Variants in MACROD2 observed in about 807,000 individuals in gnomAD.
MACROD2 encodes the protein mono-ADP ribosylhydrolase 2.
In MACROD2, 36 loss-of-function variants were observed where a neutral mutation model predicts 70.4. That is an observed-to-expected ratio of 0.51 (90% confidence interval 0.39 to 0.68). MACROD2 has a LOEUF of 0.68. Among genes scored for constraint, MACROD2 ranks in the 30% least tolerant of loss-of-function variants. MACROD2 has a pLI of 0.00. For synonymous variants in MACROD2, 172 were observed against 178.8 expected, an observed-to-expected ratio of 0.96 and a Z score of 0.30; for missense variants, 496 against 538.4, an observed-to-expected ratio of 0.92 and a Z score of 0.78.
At chr20:14,858,639 C>A (rs1252388132) in intron 5 of MACROD2, among the ~76,000 whole-genome samples, 1 of 152,076 alleles carries the variant, frequency 6.6e-6, no homozygotes, top group Non-Finnish European at 1.5e-5. Context: ...GGTCAGTATA[C>A]GTTTTAGTGC....
intron 12 of MACROD2, among the ~76,000 whole-genome samples, chr20:15,958,127 A>G (rs1056741823): frequency 6.6e-6 from 1 of 152,234 alleles, no homozygotes; most frequent in Non-Finnish European, 1.5e-5. Flanking sequence ...TACTCTCATT[A>G]CTTTTTGGAA....
At chr20:14,367,057 ATATTT>A (rs1490848284) in intron 3 of MACROD2, among the ~76,000 whole-genome samples, 1 of 152,048 alleles carries the variant, frequency 6.6e-6, no homozygotes, top group Admixed American at 6.5e-5. Context: ...TCTTTTGTGT[ATATTT>A]TAAAGACTTT....
chr20:15,763,042 A>G (rs1401014130), intron 8 of MACROD2, among the ~76,000 whole-genome samples: 1 of 152,210 alleles, frequency 6.6e-6, no homozygotes, highest in Non-Finnish European at 1.5e-5. Context: ...AGCTGTAACC[A>G]TTCTATTTGC....
At chr20:14,246,282 TATC>T (rs925122911) in intron 3 of MACROD2, among the ~76,000 whole-genome samples, 2 of 152,220 alleles carry the variant, frequency 1.3e-5, no homozygotes, top group African/African-American at 4.8e-5. Context: ...ACAATCAGGA[TATC>T]ATCATCATCT....
chr20:15,764,715 T>C (rs1199822048), intron 8 of MACROD2, among the ~76,000 whole-genome samples: 1 of 152,202 alleles, frequency 6.6e-6, no homozygotes, highest in Non-Finnish European at 1.5e-5. Context: ...ATTTGACTCT[T>C]TCCCCTTATA....
intron 6 of MACROD2, among the ~76,000 whole-genome samples, chr20:15,244,600 A>AGT (rs1396335200): frequency 6.6e-6 from 1 of 152,182 alleles, no homozygotes; most frequent in Non-Finnish European, 1.5e-5. Context: ...CACTACTGCA[A>AGT]GTGTATCATT....
At chr20:15,787,469 TC>T (rs1165479513) in intron 8 of MACROD2, among the ~76,000 whole-genome samples, 3 of 152,012 alleles carry the variant, frequency 2.0e-5, no homozygotes, top group African/African-American at 7.2e-5. Flanking sequence ...TCTCCCTCCA[TC>T]CCCCAGTAGG....
chr20:14,761,190 CAT>C (rs1428875683), intron 5 of MACROD2, among the ~76,000 whole-genome samples: 1 of 152,074 alleles, frequency 6.6e-6, no homozygotes, highest in Non-Finnish European at 1.5e-5. Context: ...TCATCTTTGA[CAT>C]ATAGATATTT....
chr20:14,643,853 T>C lies in MACROD2; in HGVS notation c.302-40990T>C, dbSNP rs185223383. ...TTTATAAAGATTTGTTGAATGAATG[T>C]ATGGGTAGGTAAATGAATGGATAGT... is the stretch of plus-strand genomic sequence containing the variant. On this transcript the variant is annotated intron_variant, in intron 4 of 17. Coordinates refer to ENST00000684519, the MANE Select transcript of MACROD2 (RefSeq NM_001351661.2). Among the ~76,000 whole-genome samples, 339 of 152,274 alleles carry C rather than the reference T, an allele frequency of 2.2e-3. 2 individuals carry two copies. Among genetic ancestry groups the C allele is most frequent in the African/African-American group, 7.7e-3 (322 of 41,558 alleles).
chr20:15,944,901 A>G (rs889549586), intron 12 of MACROD2, among the ~76,000 whole-genome samples: 3 of 152,150 alleles, frequency 2.0e-5, no homozygotes, highest in Admixed American at 6.5e-5. Context: ...TGTGAAACGT[A>G]TGATTGTAAT....
At chr20:15,249,698 C>G (rs915401789) in intron 6 of MACROD2, among the ~76,000 whole-genome samples, 2 of 152,206 alleles carry the variant, frequency 1.3e-5, no homozygotes, top group African/African-American at 4.8e-5. Context: ...GATCATGCAA[C>G]GTTCCTTTTC....
chr20:15,680,492 C>CA lies in MACROD2; in HGVS notation c.645+180649dup, dbSNP rs73619847. On this transcript the variant is annotated intron_variant, in intron 8 of 17. Transcript: ENST00000684519. ...GACTTGTTGGAATATTGTGAAAGCA[C>CA]AAAATTGAGAGAAAAATAAAGTTAT... is the stretch of plus-strand genomic sequence containing the variant. Among the ~76,000 whole-genome samples, 2,033 of 152,130 alleles carry CA rather than the reference C, an allele frequency of 0.013. 141 individuals are homozygous for CA. In the East Asian group the frequency reaches 0.2, roughly 15 times the overall value.
chr20:15,349,799 G>A (rs948477880), intron 6 of MACROD2, among the ~76,000 whole-genome samples: 6 of 150,046 alleles, frequency 4.0e-5, no homozygotes, highest in African/African-American at 9.8e-5. Flanking sequence ...GTGAAATAAT[G>A]GATCTTAATT....
chr20:14,229,534 C>G (rs1421174589), intron 3 of MACROD2, among the ~76,000 whole-genome samples: 1 of 152,170 alleles, frequency 6.6e-6, no homozygotes, highest in Non-Finnish European at 1.5e-5. Context: ...ATCATAATAG[C>G]TAAACCCAAA....
At chr20:14,932,530 G>T (rs2074305122) in intron 5 of MACROD2, among the ~76,000 whole-genome samples, 2 of 152,146 alleles carry the variant, frequency 1.3e-5, no homozygotes, top group South Asian at 2.1e-4. Flanking sequence ...CAAATTCCAA[G>T]TGATCCTGAA....
intron 5 of MACROD2, among the ~76,000 whole-genome samples, chr20:14,777,852 G>T (rs897518307): frequency 2.6e-5 from 4 of 152,080 alleles, no homozygotes; most frequent in African/African-American, 9.7e-5. Context: ...TTCAATTTTA[G>T]CAATGAGGAG....
At chr20:15,657,330 G>A (rs76581645) in intron 8 of MACROD2, among the ~76,000 whole-genome samples, 2,839 of 152,292 alleles carry the variant, frequency 0.019, 87 homozygotes, top group African/African-American at 0.065. Flanking sequence ...CATAAGGCTA[G>A]CTACTAAAGA....
chr20:15,516,656 G>T (rs1342601848), intron 8 of MACROD2, among the ~76,000 whole-genome samples: 3 of 152,102 alleles, frequency 2.0e-5, no homozygotes, highest in Admixed American at 6.6e-5. Context: ...TTTTCCTTGG[G>T]AGTGAAATCC....
chr20:14,695,829 G>C (rs2071119062), intron 5 of MACROD2, among the ~76,000 whole-genome samples: 1 of 152,196 alleles, frequency 6.6e-6, no homozygotes, highest in South Asian at 2.1e-4. Flanking sequence ...GAGGCATCCA[G>C]CCAAGCCACT....
Sources: gnomAD v4.1 joint callset for allele counts (sites outside exome capture counted in the v4.1 genomes callset) on GRCh38, gnomAD v4.1.1 for gene constraint, MANE v1.5 for transcripts, NCBI Gene and HGNC (gene_info 2026-07-23, HGNC 2026-07-21) for gene names.